Variants in FBXW10 observed in about 807,000 individuals in gnomAD.
FBXW10 encodes F-box/WD repeat-containing protein 10.
In FBXW10, 68 loss-of-function variants were observed where a neutral mutation model predicts 113.1. The observed-to-expected ratio is 0.60, with a 90% CI of 0.49 to 0.74. The LOEUF is 0.74. Among genes scored for constraint, FBXW10 ranks in the 30% least tolerant of loss-of-function variants. FBXW10 has a pLI of 0.00. For missense variants in FBXW10, 753 were observed against 1,284.5 expected, an observed-to-expected ratio of 0.59 and a Z score of 6.32; for synonymous variants, 289 against 481.6, an observed-to-expected ratio of 0.60 and a Z score of 5.24.
At chr17:18,751,328 C>T (rs1261887279) in intron 5 of FBXW10, among the ~76,000 whole-genome samples, 1 of 151,978 alleles carries the variant, frequency 6.6e-6, no homozygotes, top group Non-Finnish European at 1.5e-5. Flanking sequence ...CGGGTTCACG[C>T]CATTCTCCTG....
chr17:18,761,659 T>G (rs1406082890), intron 7 of FBXW10, among the ~76,000 whole-genome samples: 1 of 152,234 alleles, frequency 6.6e-6, no homozygotes, highest in Non-Finnish European at 1.5e-5. Flanking sequence ...TAGACTTTAT[T>G]TGGGTTGCAT....
At chr17:18,759,612 G>GC in intron 7 of FBXW10, among the ~76,000 whole-genome samples, 1 of 131,190 alleles carries the variant, frequency 7.6e-6, no homozygotes, top group Admixed American at 8.2e-5. Flanking sequence ...ATTGTTTCTA[G>GC]TTTTTTGTTT....
At chr17:18,759,171 A>G (rs1231718397) in intron 7 of FBXW10, among the ~76,000 whole-genome samples, 2 of 152,124 alleles carry the variant, frequency 1.3e-5, no homozygotes, top group African/African-American at 2.4e-5. Flanking sequence ...CTCCATCTCA[A>G]AAAAAACCAC....
chr17:18,768,232 T>C (rs1286615674), intron 9 of FBXW10, among the ~76,000 whole-genome samples: 1 of 151,984 alleles, frequency 6.6e-6, no homozygotes, highest in African/African-American at 2.4e-5. Flanking sequence ...CATGCCCAGC[T>C]AATTTTTGTA....
intron 7 of FBXW10, among the ~76,000 whole-genome samples, chr17:18,759,911 G>A (rs1039401863): frequency 3.3e-4 from 33 of 100,428 alleles, no homozygotes; most frequent in African/African-American, 9.4e-4. Flanking sequence ...CACCGCGCCG[G>A]GCCCTTGTTT....
Position 18,769,970 on chromosome 17 carries a change from GC to G in FBXW10, c.1893del (p.Cys632ValfsTer17). The G allele has an allele frequency of 6.2e-7, 1 of 1,614,090 alleles. No individual in the cohort carries two copies. Among genetic ancestry groups the G allele is most frequent in the Non-Finnish European group, 8.5e-7 (1 of 1,180,028 alleles). ...VSLLFLRVIS[A>X]CADGKIRIYN... is the part of the protein sequence containing the mutation. ...CCTTCTCTTCCTCCGGGTCATCAGC[GC>G]CTGTGCAGATGGCAAGATCCGAATT... On this transcript the variant is annotated frameshift_variant, in exon 11 of 14. Coordinates refer to ENST00000395665, the MANE Select transcript of FBXW10 (RefSeq NM_001267585.2). LOFTEE classifies it high-confidence loss of function.
At chr17:18,755,281 G>A (rs1178048659) in intron 5 of FBXW10, among the ~76,000 whole-genome samples, 1 of 151,910 alleles carries the variant, frequency 6.6e-6, no homozygotes, top group African/African-American at 2.4e-5. Context: ...TTGCGGCCGG[G>A]CCTGGTGGCT....
chr17:18,768,432 G>C, intron 9 of FBXW10, 102 bp from the exon 10 acceptor site: 4 of 1,495,998 alleles, frequency 2.7e-6, no homozygotes, highest in Non-Finnish European at 3.6e-6. Context: ...GGCAGTCACA[G>C]ATTGGTGGGG....
At chr17:18,765,157 T>C (rs549990200) in intron 8 of FBXW10, among the ~76,000 whole-genome samples, 3 of 152,322 alleles carry the variant, frequency 2.0e-5, no homozygotes, top group South Asian at 2.1e-4. Flanking sequence ...AAAGGGCTCA[T>C]TGTCTCCTAA....
At chr17:18,753,875 T>C (rs1215898188) in intron 5 of FBXW10, among the ~76,000 whole-genome samples, 1 of 143,052 alleles carries the variant, frequency 7.0e-6, no homozygotes, top group Non-Finnish European at 1.5e-5. Flanking sequence ...AGACTCCATC[T>C]CAAAAAAAAA....
chr17:18,759,063 G>A (rs1293576175), intron 7 of FBXW10, among the ~76,000 whole-genome samples: 1 of 151,976 alleles, frequency 6.6e-6, no homozygotes, highest in African/African-American at 2.4e-5. Flanking sequence ...CCAGCTACTC[G>A]GGACGCTGAG....
chr17:18,758,898 T>G (rs1204555078), intron 7 of FBXW10, among the ~76,000 whole-genome samples: 1 of 151,994 alleles, frequency 6.6e-6, no homozygotes, highest in African/African-American at 2.4e-5. Flanking sequence ...CCAGGCGCGG[T>G]GGCTCACGCC....
intron 12 of FBXW10, 146 bp downstream of exon 12, chr17:18,772,829 A>G (rs922523510): frequency 1.5e-6 from 1 of 661,996 alleles, no homozygotes; most frequent in African/African-American, 1.8e-5. Flanking sequence ...CTAACCCTCC[A>G]GGAAGGTAGG....
rs1238923220 is a variant in FBXW10 at position 18,750,030 on chromosome 17, C to T, written c.892C>T (p.Leu298=). Residue 298 remains leucine (L), a synonymous_variant, in exon 4 of 14, where the codon CTG becomes TTG. Transcript: ENST00000395665. ...TCCAGGAATGCTGGATAGACACACC[C>T]TGAACAAGTGCGCCTCTGTGAGCCA... ...YILRMLDRHT[L]NKCASVSQHW... is the part of the protein sequence containing the mutation. The T allele has an allele frequency of 1.9e-6, 3 of 1,613,964 alleles. No homozygotes were observed. Among genetic ancestry groups the T allele is most frequent in the East Asian group, 2.2e-5 (1 of 44,874 alleles).
chr17:18,765,028 A>C (rs1451629762), intron 8 of FBXW10, among the ~76,000 whole-genome samples, 165 bp downstream of exon 8: 2 of 152,056 alleles, frequency 1.3e-5, no homozygotes, highest in African/African-American at 4.8e-5. Context: ...TCTATCAATC[A>C]ATCCATCCAT....
intron 7 of FBXW10, among the ~76,000 whole-genome samples, chr17:18,758,756 T>G (rs966827463): frequency 6.7e-6 from 1 of 149,114 alleles, no homozygotes; most frequent in African/African-American, 2.5e-5. Flanking sequence ...TCAGAAAAAT[T>G]TTCTTTATTA....
rs545897359 is a variant in FBXW10, at chr17:18,776,700, G to A, written c.2335+1508G>A. On this transcript the variant is annotated intron_variant, in intron 13 of 13. Transcript: ENST00000395665. ...ACACTCCTACTTGCAATATATGAGA[G>A]ACCCCACTGCATTTGTGCCAACTCT... Among the ~76,000 whole-genome samples, 14 of 152,264 alleles carry A rather than the reference G, an allele frequency of 9.2e-5. 1 individual carries two copies. The South Asian group carries it at 2.7e-3, about 29-fold the overall frequency.
intron 1 of FBXW10, chr17:18,745,365 C>A: frequency 1.8e-6 from 1 of 545,802 alleles, no homozygotes; most frequent in East Asian, 1.5e-4. Context: ...ACAAGCTCCT[C>A]CCCCAGAACT....
intron 2 of FBXW10, among the ~76,000 whole-genome samples, chr17:18,749,237 G>T (rs897493079): frequency 2.6e-5 from 4 of 152,042 alleles, no homozygotes; most frequent in Non-Finnish European, 5.9e-5. Context: ...TGTATATATG[G>T]GTCAAAAGAT....
Sources: gnomAD v4.1 joint callset for allele counts (sites outside exome capture counted in the v4.1 genomes callset) on GRCh38, gnomAD v4.1.1 for gene constraint, MANE v1.5 for transcripts, NCBI Gene and HGNC (gene_info 2026-07-23, HGNC 2026-07-21) for gene names.